Variants in ITGAX observed in about 807,000 individuals in gnomAD.
ITGAX encodes integrin subunit alpha X, also known as integrin alpha-X.
Under a neutral mutation model 140.2 loss-of-function variants are expected in ITGAX, and 99 were observed. The observed-to-expected ratio is 0.71, with a 90% CI of 0.60 to 0.83. The LOEUF is 0.83. ITGAX is among the 40% of genes least tolerant of loss of function. The pLI, the probability that ITGAX is intolerant of heterozygous loss-of-function variation, is 0.00. For synonymous variants in ITGAX, 631 were observed against 600.4 expected (o/e 1.05, Z -0.75); for missense variants, 1,444 against 1,482.0 (o/e 0.97, Z 0.42).
rs764611604 is a variant in ITGAX at position 31,379,895 on chromosome 16, G to T, written c.2976+31G>T. 9.3e-6 allele frequency: 15 copies of T among 1,610,326 alleles called. No individual in the cohort carries two copies. The East Asian group carries it at 3.1e-4, about 34-fold the overall frequency. ...CAAGGACTGCATGTGGCTCCTCCAC[G>T]AATGCCCTTTCTACCTGGATTCCTT... On this transcript the variant is annotated intron_variant, in intron 25 of 29. Transcript: ENST00000268296.
At chr16:31,355,625 G>T (rs1236192009) in intron 1 of ITGAX, among the ~76,000 whole-genome samples, 1 of 152,208 alleles carries the variant, frequency 6.6e-6, no homozygotes, top group Non-Finnish European at 1.5e-5. Context: ...CTCTCATAGC[G>T]CCCGAGGTGC....
intron 4 of ITGAX, 75 bp downstream of exon 4, chr16:31,357,176 C>G: frequency 6.4e-7 from 1 of 1,553,970 alleles, no homozygotes; most frequent in Non-Finnish European, 8.8e-7. Context: ...CTGGGAGTCT[C>G]CTGTAGGGTG....
chr16:31,371,857 T>C (rs1567304250), intron 17 of ITGAX, 73 bp downstream of exon 17: 1 of 1,548,868 alleles, frequency 6.5e-7, no homozygotes, highest in Middle Eastern at 1.7e-4. Flanking sequence ...GAGAACAGGC[T>C]GTGTTCCGGC....
intron 19 of ITGAX, among the ~76,000 whole-genome samples, 166 bp downstream of exon 19, chr16:31,372,836 C>T (rs563237554): frequency 1.3e-5 from 2 of 152,016 alleles, no homozygotes; most frequent in East Asian, 3.9e-4. Flanking sequence ...TTTGGGAGGC[C>T]GAGGTGGGAG....
In ITGAX at chr16:31,372,619, G is replaced by A. The variant is rs1401953525; in HGVS notation, c.2315G>A (p.Gly772Glu). The change falls in exon 19 of 30, where the codon GGA (glycine) becomes GAA (glutamate). Residue 772 changes from glycine (G) to glutamate (E), a missense_variant. Gly to Glu is a moderately conservative substitution (Grantham distance 98). Transcript: ENST00000268296. Reference sequence around the variant, plus strand: ...CAGCTACCCTTTGAGAAGAACTGTGGAGCCGACCATATCTGCCAGGACAAT... The same window carrying A: ...CAGCTACCCTTTGAGAAGAACTGTGAAGCCGACCATATCTGCCAGGACAAT... ...TASLPFEKNC[G>E]ADHICQDNLG... is the part of the protein sequence containing the mutation. 6.2e-7 allele frequency: 1 copy of A among 1,614,112 alleles called. No homozygotes were observed. Among genetic ancestry groups the A allele is most frequent in the Non-Finnish European group, 8.5e-7 (1 of 1,180,012 alleles).
chr16:31,360,545 T>A, intron 8 of ITGAX, 82 bp downstream of exon 8: 1 of 1,304,778 alleles, frequency 7.7e-7, no homozygotes, highest in Non-Finnish European at 1.1e-6. Flanking sequence ...CTTTTCTCTT[T>A]GAGACAGGGT....
At chr16:31,377,367 G>A in intron 23 of ITGAX, 102 bp downstream of exon 23, 1 of 950,084 alleles carries the variant, frequency 1.1e-6, no homozygotes. Context: ...GTGAGATAAG[G>A]TGTTTGAAAC....
chr16:31,364,020 G>T (rs558208340), intron 14 of ITGAX, among the ~76,000 whole-genome samples: 3 of 152,044 alleles, frequency 2.0e-5, no homozygotes, highest in African/African-American at 4.8e-5. Context: ...TGCCATCAAG[G>T]TCCCACCAAA....
intron 9 of ITGAX, 92 bp downstream of exon 9, chr16:31,361,305 C>T (rs1051481380): frequency 7.3e-6 from 10 of 1,363,148 alleles, no homozygotes; most frequent in East Asian, 7.0e-5. Context: ...AGGTAGACAG[C>T]GTCTCGGTTC....
intron 7 of ITGAX, 111 bp from the exon 8 acceptor site, chr16:31,360,199 G>A: frequency 2.0e-6 from 3 of 1,507,860 alleles, no homozygotes; most frequent in African/African-American, 1.4e-5. Context: ...TGGGGCCTCT[G>A]GGTGGGACTG....
At chr16:31,372,126 G>A (rs939427624) in intron 17 of ITGAX, among the ~76,000 whole-genome samples, 4 of 150,310 alleles carry the variant, frequency 2.7e-5, no homozygotes, top group Admixed American at 6.6e-5. Flanking sequence ...GGGGCCAGGG[G>A]CATAGGTGGC....
intron 20 of ITGAX, among the ~76,000 whole-genome samples, chr16:31,375,041 G>T (rs1354601002): frequency 1.3e-5 from 2 of 151,288 alleles, no homozygotes; most frequent in Non-Finnish European, 2.9e-5. Flanking sequence ...TCCTTGAGAG[G>T]GTCTTGCTCT....
At chr16:31,372,121 C>G (rs530950563) in intron 17 of ITGAX, among the ~76,000 whole-genome samples, 6 of 147,812 alleles carry the variant, frequency 4.1e-5, no homozygotes, top group Non-Finnish European at 6.0e-5. Context: ...CCCTGGGGGC[C>G]AGGGGCATAG....
intron 23 of ITGAX, 56 bp downstream of exon 23, chr16:31,377,321 A>C: frequency 7.7e-7 from 1 of 1,296,496 alleles, no homozygotes. Flanking sequence ...CTCAAAAAGA[A>C]AAAAAAAAAA....
At position 31,371,229 on chromosome 16, in the gene ITGAX, T is replaced by C; in HGVS notation, c.1841+15T>C. 2 of 1,603,302 alleles carry C rather than the reference T, an allele frequency of 1.2e-6. No homozygotes were observed. The highest frequency in any genetic ancestry group is 1.7e-6 in the Non-Finnish European group (2 of 1,173,988). On this transcript the variant is annotated intron_variant, in intron 15 of 29. Coordinates refer to ENST00000268296, the MANE Select transcript of ITGAX (RefSeq NM_000887.5). ...CTCCTGCTCAGGTGAGAGCAGCCTTTCTCAGAGGCTCCCCAGGTGGTCCTA... is the reference window on the plus strand; with the variant it reads ...CTCCTGCTCAGGTGAGAGCAGCCTTCCTCAGAGGCTCCCCAGGTGGTCCTA...
chr16:31,365,248 C>T (rs1388183936), intron 14 of ITGAX, among the ~76,000 whole-genome samples: 1 of 152,064 alleles, frequency 6.6e-6, no homozygotes, highest in Non-Finnish European at 1.5e-5. Flanking sequence ...GGTGTGGAGT[C>T]TCTTTTTGGG....
At chr16:31,366,102 T>C (rs2080890268) in intron 14 of ITGAX, among the ~76,000 whole-genome samples, 2 of 152,256 alleles carry the variant, frequency 1.3e-5, no homozygotes, top group South Asian at 4.1e-4. Flanking sequence ...GCTTTGCAGA[T>C]ACTGCATTTT....
chr16:31,361,706 C>T, intron 9 of ITGAX, 130 bp from the exon 10 acceptor site: 1 of 1,025,356 alleles, frequency 9.8e-7, no homozygotes, highest in Non-Finnish European at 1.5e-6. Flanking sequence ...GAGGGCAGAG[C>T]CTGGTCCCTG....
intron 3 of ITGAX, 24 bp from the exon 4 acceptor site, chr16:31,357,007 C>G (rs1408250863): frequency 6.3e-7 from 1 of 1,589,002 alleles, no homozygotes; most frequent in Non-Finnish European, 8.6e-7. Context: ...CCGAGAGTGA[C>G]CATGCACATA....
Sources: gnomAD v4.1 joint callset for allele counts (sites outside exome capture counted in the v4.1 genomes callset) on GRCh38, gnomAD v4.1.1 for gene constraint, MANE v1.5 for transcripts, NCBI Gene and HGNC (gene_info 2026-07-23, HGNC 2026-07-21) for gene names.